ACTR3B: variants seen among roughly 807,000 people sequenced by gnomAD.
The protein encoded by ACTR3B is actin-related protein 3B.
Under a neutral mutation model 59.0 loss-of-function variants are expected in ACTR3B, and 8 were observed. That is an observed-to-expected ratio of 0.14 (90% CI 0.08 to 0.24). The LOEUF (loss-of-function observed/expected upper bound fraction) is 0.24. Among genes scored for constraint, ACTR3B ranks in the 10% least tolerant of loss-of-function variants. The pLI is 1.00. For synonymous variants in ACTR3B, 148 were observed against 197.9 expected (o/e 0.75, Z 2.12); for missense variants, 245 against 552.3 (o/e 0.44, Z 5.58).
intron 1 of ACTR3B, among the ~76,000 whole-genome samples, chr7:152,761,728 C>T (rs538326859): frequency 5.9e-5 from 9 of 152,210 alleles, no homozygotes; most frequent in African/African-American, 1.4e-4. Flanking sequence ...TGAAAGAGCC[C>T]GAATTTACCA....
intron 9 of ACTR3B, among the ~76,000 whole-genome samples, chr7:152,843,142 T>G (rs1797995736): frequency 6.6e-6 from 1 of 152,232 alleles, no homozygotes; most frequent in Non-Finnish European, 1.5e-5. Flanking sequence ...AGTCTGTGGC[T>G]TGTCTTTTCA....
chr7:152,785,474 G>GGA (rs1243556489), intron 2 of ACTR3B, among the ~76,000 whole-genome samples: 2 of 7,614 alleles, frequency 2.6e-4, no homozygotes, highest in African/African-American at 5.3e-4. Flanking sequence ...GGAGGGGGAG[G>GGA]GAGAGAGAGA....
At chr7:152,821,835 C>G (rs1273248011) in intron 7 of ACTR3B, among the ~76,000 whole-genome samples, 1 of 152,144 alleles carries the variant, frequency 6.6e-6, no homozygotes, top group Admixed American at 6.6e-5. Context: ...GTTTAGAGCT[C>G]CCCCCGCTTC....
At chr7:152,777,766 C>T (rs528447407) in intron 1 of ACTR3B, among the ~76,000 whole-genome samples, 5 of 152,242 alleles carry the variant, frequency 3.3e-5, no homozygotes, top group African/African-American at 9.6e-5. Context: ...GCCTGGCCAA[C>T]GTGGTGAAAC....
At chr7:152,852,059 G>A in intron 9 of ACTR3B, 67 bp from the exon 10 acceptor site, 2 of 1,610,992 alleles carry the variant, frequency 1.2e-6, no homozygotes, top group Non-Finnish European at 1.7e-6. Flanking sequence ...GAGTTCTGTT[G>A]TGGGTGGTTC....
At chr7:152,829,835 G>A (rs1796884002) in intron 9 of ACTR3B, among the ~76,000 whole-genome samples, 1 of 152,204 alleles carries the variant, frequency 6.6e-6, no homozygotes, top group Admixed American at 6.5e-5. Flanking sequence ...TGAGGGGGAA[G>A]CCAGTTTGAA....
chr7:152,795,720 G>A (rs2116702506), intron 2 of ACTR3B, among the ~76,000 whole-genome samples: 1 of 152,240 alleles, frequency 6.6e-6, no homozygotes, highest in East Asian at 1.9e-4. Context: ...ACCATCCATG[G>A]TTAACCAGTA....
chr7:152,762,246 T>G (rs1475092733), intron 1 of ACTR3B, among the ~76,000 whole-genome samples: 1 of 152,188 alleles, frequency 6.6e-6, no homozygotes, highest in Non-Finnish European at 1.5e-5. Flanking sequence ...AAAATAAAGC[T>G]TCATCTATTT....
chr7:152,792,220 C>T (rs1478802870), intron 2 of ACTR3B, among the ~76,000 whole-genome samples: 2 of 152,108 alleles, frequency 1.3e-5, no homozygotes, highest in Admixed American at 6.6e-5. Flanking sequence ...TAAATCTTTC[C>T]TCGATATACA....
At chr7:152,802,166 A>G (rs904929041) in intron 4 of ACTR3B, among the ~76,000 whole-genome samples, 3 of 151,940 alleles carry the variant, frequency 2.0e-5, no homozygotes, top group Admixed American at 6.6e-5. Context: ...CCATCTGCCT[A>G]TGCCTAACCT....
At chr7:152,842,686 G>A (rs1797963624) in intron 9 of ACTR3B, among the ~76,000 whole-genome samples, 1 of 152,182 alleles carries the variant, frequency 6.6e-6, no homozygotes, top group South Asian at 2.1e-4. Context: ...TCCCCTGCTG[G>A]TGGACATTTG....
At chr7:152,831,793 G>A (rs1797053913) in intron 9 of ACTR3B, among the ~76,000 whole-genome samples, 2 of 152,206 alleles carry the variant, frequency 1.3e-5, no homozygotes, top group African/African-American at 4.8e-5. Flanking sequence ...GGAATGGGGA[G>A]TGTGAAGCCT....
chr7:152,807,793 T>C (rs1223567782), intron 4 of ACTR3B, among the ~76,000 whole-genome samples: 1 of 152,232 alleles, frequency 6.6e-6, no homozygotes, highest in Non-Finnish European at 1.5e-5. Flanking sequence ...GTTCATGCCC[T>C]GTGCTCTTTT....
intron 1 of ACTR3B, among the ~76,000 whole-genome samples, chr7:152,760,457 C>CT (rs2098086020): frequency 1.3e-5 from 2 of 152,192 alleles, no homozygotes; most frequent in South Asian, 4.1e-4. Flanking sequence ...GATTCTTTAC[C>CT]ACCTACTTGT....
chr7:152,849,170 C>T lies in ACTR3B; in HGVS notation c.952-2956C>T, dbSNP rs552913321. Among the ~76,000 whole-genome samples, 15 of 152,326 alleles carry T rather than the reference C, an allele frequency of 9.8e-5. No individual in the cohort carries two copies. In the South Asian group the frequency reaches 3.1e-3, roughly 32 times the overall value. Reference sequence around the variant, plus strand: ...AGTGAAACCCCCAGATGAGGACAGACTGCAGAGTTCTCAGGGCAGAAGACC... The same window carrying T: ...AGTGAAACCCCCAGATGAGGACAGATTGCAGAGTTCTCAGGGCAGAAGACC... On this transcript the variant is annotated intron_variant, in intron 9 of 11. Transcript: ENST00000256001.
intron 2 of ACTR3B, among the ~76,000 whole-genome samples, chr7:152,799,135 G>A (rs1168441582): frequency 6.6e-6 from 1 of 152,146 alleles, no homozygotes; most frequent in African/African-American, 2.4e-5. Context: ...ATTTACATTT[G>A]TATAGCTACA....
chr7:152,763,017 T>C (rs574943006), intron 1 of ACTR3B, among the ~76,000 whole-genome samples: 1 of 152,232 alleles, frequency 6.6e-6, no homozygotes, highest in East Asian at 1.9e-4. Context: ...TTTTTCTTTG[T>C]AATTAATAAG....
chr7:152,790,458 C>T (rs2098191913), intron 2 of ACTR3B, among the ~76,000 whole-genome samples: 1 of 152,144 alleles, frequency 6.6e-6, no homozygotes, highest in African/African-American at 2.4e-5. Context: ...ACTGGGATTA[C>T]AGGAATGAGC....
At chr7:152,793,922 T>C (rs557385096) in intron 2 of ACTR3B, among the ~76,000 whole-genome samples, 1 of 152,064 alleles carries the variant, frequency 6.6e-6, no homozygotes, top group South Asian at 2.1e-4. Flanking sequence ...TGACACTCAC[T>C]TGGGGAGGAG....
Sources: gnomAD v4.1 joint callset for allele counts (sites outside exome capture counted in the v4.1 genomes callset) on GRCh38, gnomAD v4.1.1 for gene constraint, MANE v1.5 for transcripts, NCBI Gene and HGNC (gene_info 2026-07-23, HGNC 2026-07-21) for gene names.